DLG2: variants seen among roughly 807,000 people sequenced by gnomAD.
DLG2 encodes discs large MAGUK scaffold protein 2, also known as disks large homolog 2.
DLG2 carries 45 observed loss-of-function variants against 132.5 expected under a neutral mutation model. The ratio of observed to expected loss-of-function variants is 0.34; its 90% CI spans 0.27 to 0.44. The LOEUF (loss-of-function observed/expected upper bound fraction) is 0.44, where lower values mean the gene tolerates loss of function less well. DLG2 is among the 20% of genes least tolerant of loss of function. The pLI is 1.00. For missense variants in DLG2, 1,045 were observed against 1,196.9 expected (o/e 0.87, Z 1.87); for synonymous variants, 424 against 419.6 (o/e 1.01, Z -0.13).
intron 15 of DLG2, among the ~76,000 whole-genome samples, chr11:83,916,441 G>C (rs1465316458): frequency 6.6e-6 from 1 of 151,838 alleles, no homozygotes; most frequent in Non-Finnish European, 1.5e-5. Flanking sequence ...TCAACCTCTT[G>C]AGTAGCTGGG....
In DLG2 at chr11:83,707,189, C is replaced by A. The variant is rs558872793; in HGVS notation, c.1826-73864G>T. Among the ~76,000 whole-genome samples the A allele has an allele frequency of 2.6e-5, 4 of 152,276 alleles. No individual in the cohort carries two copies. The East Asian group carries it at 5.8e-4, about 22-fold the overall frequency. On this transcript the variant is annotated intron_variant, in intron 18 of 27. Coordinates refer to ENST00000376104, the MANE Select transcript of DLG2 (RefSeq NM_001142699.3). ...AAGGACTGGCTGCAGAGCCCTAGAA[C>A]AACACTGACTCCCCCAGGGCCTATA...
intron 6 of DLG2, among the ~76,000 whole-genome samples, chr11:84,568,281 G>A (rs2099465641): frequency 6.6e-6 from 1 of 152,180 alleles, no homozygotes; most frequent in South Asian, 2.1e-4. Context: ...GGCCAAGGCG[G>A]ATGGATCACT....
At chr11:83,674,083 A>C (rs1337358502) in intron 18 of DLG2, among the ~76,000 whole-genome samples, 1 of 152,210 alleles carries the variant, frequency 6.6e-6, no homozygotes, top group East Asian at 1.9e-4. Flanking sequence ...CTTTAAAAAT[A>C]AGATGAGTAT....
At chr11:84,716,927 A>G (rs2061306605) in intron 6 of DLG2, among the ~76,000 whole-genome samples, 1 of 152,116 alleles carries the variant, frequency 6.6e-6, no homozygotes, top group South Asian at 2.1e-4. Context: ...TGCCCATCAT[A>G]ATGCCTAGCA....
At chr11:84,648,623 T>C (rs2154546162) in intron 6 of DLG2, among the ~76,000 whole-genome samples, 1 of 152,242 alleles carries the variant, frequency 6.6e-6, no homozygotes, top group East Asian at 1.9e-4. Flanking sequence ...GCTGGGTGCC[T>C]TCCTTTTGGT....
At chr11:85,255,922 T>C (rs543582273) in intron 4 of DLG2, among the ~76,000 whole-genome samples, 32 of 152,342 alleles carry the variant, frequency 2.1e-4, no homozygotes, top group Admixed American at 6.5e-4. Flanking sequence ...TAATCGCTGT[T>C]AATAATAATT....
chr11:84,170,931 A>G (rs2095805300), intron 8 of DLG2, among the ~76,000 whole-genome samples: 1 of 151,978 alleles, frequency 6.6e-6, no homozygotes, highest in Non-Finnish European at 1.5e-5. Context: ...GCAACCCATA[A>G]TTTTGCCAGG....
chr11:84,776,610 C>G (rs2070563198), intron 6 of DLG2, among the ~76,000 whole-genome samples: 1 of 152,044 alleles, frequency 6.6e-6, no homozygotes, highest in African/African-American at 2.4e-5. Flanking sequence ...TGATTTCTGT[C>G]CAAAAAGTTT....
intron 6 of DLG2, chr11:85,021,802 G>A (rs2154140347): frequency 2.0e-6 from 1 of 503,820 alleles, no homozygotes; most frequent in Non-Finnish European, 3.7e-6. Flanking sequence ...CTCGAGGTGG[G>A]TAATGCAGCC....
At chr11:83,990,187 T>C (rs925521347) in intron 11 of DLG2, among the ~76,000 whole-genome samples, 1 of 152,122 alleles carries the variant, frequency 6.6e-6, no homozygotes, top group South Asian at 2.1e-4. Context: ...AGTACTCTAG[T>C]AAAAGAAAAA....
At chr11:84,205,475 C>T (rs927770858) in intron 8 of DLG2, among the ~76,000 whole-genome samples, 4 of 151,742 alleles carry the variant, frequency 2.6e-5, no homozygotes, top group African/African-American at 9.7e-5. Context: ...TAAGACTACA[C>T]TGGGCCATAA....
intron 3 of DLG2, among the ~76,000 whole-genome samples, chr11:85,534,781 A>G (rs1282767289): frequency 6.6e-6 from 1 of 152,142 alleles, no homozygotes; most frequent in Non-Finnish European, 1.5e-5. Flanking sequence ...GCTATTGTGA[A>G]TGGTGCTGCA....
intron 9 of DLG2, among the ~76,000 whole-genome samples, chr11:84,101,731 A>G (rs2092542654): frequency 6.6e-6 from 1 of 152,076 alleles, no homozygotes; most frequent in African/African-American, 2.4e-5. Flanking sequence ...CTCTAAGTAC[A>G]TCAACTAGAG....
At chr11:83,491,833 C>T (rs572830558) in intron 21 of DLG2, among the ~76,000 whole-genome samples, 4 of 152,090 alleles carry the variant, frequency 2.6e-5, no homozygotes, top group Non-Finnish European at 5.9e-5. Context: ...TCTGCTTCTC[C>T]TTACAGCAAA....
chr11:83,754,141 T>A (rs1032956236), intron 18 of DLG2, among the ~76,000 whole-genome samples: 1 of 150,488 alleles, frequency 6.6e-6, no homozygotes, highest in Non-Finnish European at 1.5e-5. Context: ...ATCCAAATAA[T>A]GATCTTTAGT....
intron 18 of DLG2, among the ~76,000 whole-genome samples, chr11:83,660,129 G>T (rs1040032917): frequency 1.3e-5 from 2 of 152,176 alleles, no homozygotes; most frequent in Non-Finnish European, 2.9e-5. Flanking sequence ...CAAAAGGATA[G>T]GTTTTTGTTA....
intron 3 of DLG2, among the ~76,000 whole-genome samples, chr11:85,486,165 C>T (rs940628043): frequency 4.0e-5 from 6 of 151,592 alleles, no homozygotes; most frequent in African/African-American, 1.2e-4. Flanking sequence ...AGGGTTGTTG[C>T]TGCTGCAGCA....
intron 16 of DLG2, among the ~76,000 whole-genome samples, chr11:83,869,803 C>T (rs544528415): frequency 6.6e-6 from 1 of 152,150 alleles, no homozygotes; most frequent in Non-Finnish European, 1.5e-5. Flanking sequence ...GGCTGGCCAA[C>T]CCCTTTCAGG....
chr11:84,447,690 G>A (rs1014973019), intron 7 of DLG2, among the ~76,000 whole-genome samples: 1 of 151,282 alleles, frequency 6.6e-6, no homozygotes, highest in Non-Finnish European at 1.5e-5. Context: ...TTTATTTAGA[G>A]AATCTTTCCA....
Sources: gnomAD v4.1 joint callset for allele counts (sites outside exome capture counted in the v4.1 genomes callset) on GRCh38, gnomAD v4.1.1 for gene constraint, MANE v1.5 for transcripts, NCBI Gene and HGNC (gene_info 2026-07-23, HGNC 2026-07-21) for gene names.